AKAP7: variants seen among roughly 807,000 people sequenced by gnomAD.
The protein encoded by AKAP7 is A kinase (PRKA) anchor protein 7.
In AKAP7, 39 loss-of-function variants were observed where a neutral mutation model predicts 39.5. The observed-to-expected ratio is 0.99, with a 90% confidence interval of 0.76 to 1.29. The LOEUF is 1.29. Among genes scored for constraint, AKAP7 ranks in the 50% most tolerant of loss-of-function variants. The probability of loss-of-function intolerance (pLI) is 0.00; values close to 1 mark genes in which losing one functional copy is unlikely to be tolerated. For synonymous variants in AKAP7, 140 were observed against 139.1 expected, an observed-to-expected ratio of 1.01 and a Z score of -0.05; for missense variants, 414 against 407.7, an observed-to-expected ratio of 1.02 and a Z score of -0.13.
intron 6 of AKAP7, among the ~76,000 whole-genome samples, chr6:131,210,185 A>G (rs1808513501): frequency 2.0e-5 from 3 of 152,374 alleles, no homozygotes; most frequent in Middle Eastern, 6.8e-3. Context: ...CCATTTCTAC[A>G]TATGAGCTGG....
At chr6:131,163,857 G>T (rs936442465) in intron 3 of AKAP7, among the ~76,000 whole-genome samples, 2 of 152,032 alleles carry the variant, frequency 1.3e-5, no homozygotes, top group Non-Finnish European at 2.9e-5. Context: ...GACACCAAGG[G>T]TGGGGGATTT....
At position 131,148,713 on chromosome 6, in the gene AKAP7, G is replaced by T. The variant is rs527369033; in HGVS notation, c.151+3297G>T. On this transcript the variant is annotated intron_variant, in intron 2 of 7. Coordinates refer to ENST00000431975, the MANE Select transcript of AKAP7 (RefSeq NM_016377.4). Reference sequence around the variant, plus strand: ...CTACTAACTAGTTTTTCTGAAGTGAGATTTTTATAGGAATGTACAAAAACT... The same window carrying T: ...CTACTAACTAGTTTTTCTGAAGTGATATTTTTATAGGAATGTACAAAAACT... 6.6e-4 allele frequency among the ~76,000 whole-genome samples: 101 copies of T among 152,270 alleles called. 1 individual carries two copies. The highest frequency in any genetic ancestry group is 2.3e-3 in the African/African-American group (94 of 41,550).
intron 5 of AKAP7, among the ~76,000 whole-genome samples, chr6:131,180,499 C>T (rs1010367802): frequency 6.6e-6 from 1 of 152,180 alleles, no homozygotes; most frequent in African/African-American, 2.4e-5. Flanking sequence ...TGTACCTTTC[C>T]TACTCAGAAT....
At position 131,272,364 on chromosome 6, in the gene AKAP7, T is replaced by A. The variant is rs1302446984; in HGVS notation, c.851-9166T>A. On this transcript the variant is annotated intron_variant, in intron 7 of 7. Coordinates refer to ENST00000431975, the MANE Select transcript of AKAP7 (RefSeq NM_016377.4). ...TCTCTACTGTTTATCTGTTTTCTAT[T>A]TCATTCTCCTACTATTTTTATTGTT... Among the ~76,000 whole-genome samples, 3 of 152,158 alleles carry A rather than the reference T, an allele frequency of 2.0e-5. 1 individual carries two copies. The highest frequency in any genetic ancestry group is 2.0e-4 in the Admixed American group (3 of 15,278).
intron 2 of AKAP7, among the ~76,000 whole-genome samples, chr6:131,159,777 G>A (rs947068704): frequency 2.6e-5 from 4 of 152,134 alleles, no homozygotes; most frequent in Admixed American, 1.3e-4. Flanking sequence ...GCCAAATCTG[G>A]TTAACCACCC....
At chr6:131,132,395 C>T (rs968445792), upstream of AKAP7, among the ~76,000 whole-genome samples, 1 of 151,894 alleles carries the variant, frequency 6.6e-6, no homozygotes, top group African/African-American at 2.4e-5. Flanking sequence ...AATGCTTTAA[C>T]GAAGGTTCAC....
At chr6:131,155,999 CT>C (rs1253186322) in intron 2 of AKAP7, among the ~76,000 whole-genome samples, 1 of 152,206 alleles carries the variant, frequency 6.6e-6, no homozygotes, top group Non-Finnish European at 1.5e-5. Context: ...TATTAAGTTA[CT>C]TAATTAAAAG....
At chr6:131,182,832 A>G (rs541060263) in intron 5 of AKAP7, among the ~76,000 whole-genome samples, 8 of 152,178 alleles carry the variant, frequency 5.3e-5, no homozygotes, top group African/African-American at 1.9e-4. Flanking sequence ...TTTTAACCCA[A>G]ATTTTGTATT....
chr6:131,214,909 T>G (rs914666898), intron 6 of AKAP7, among the ~76,000 whole-genome samples: 2 of 152,212 alleles, frequency 1.3e-5, no homozygotes, highest in African/African-American at 4.8e-5. Flanking sequence ...CTACTTATTC[T>G]GAATCTGTAT....
chr6:131,184,068 C>A (rs1481425490), intron 5 of AKAP7, among the ~76,000 whole-genome samples: 2 of 152,160 alleles, frequency 1.3e-5, no homozygotes, highest in Non-Finnish European at 2.9e-5. Context: ...GAATGCATTT[C>A]ATGGAGAGCA....
intron 5 of AKAP7, among the ~76,000 whole-genome samples, chr6:131,178,387 T>C (rs927865794): frequency 5.3e-5 from 8 of 152,200 alleles, no homozygotes; most frequent in African/African-American, 1.9e-4. Context: ...ACGCAGACAA[T>C]GTTAAATAGA....
intron 7 of AKAP7, among the ~76,000 whole-genome samples, chr6:131,224,280 G>A (rs1809958841): frequency 6.6e-6 from 1 of 151,736 alleles, no homozygotes; most frequent in Non-Finnish European, 1.5e-5. Flanking sequence ...ATTAGATTTG[G>A]GATACTTTGT....
chr6:131,278,571 A>G (rs1389017503), intron 7 of AKAP7, among the ~76,000 whole-genome samples: 3 of 152,198 alleles, frequency 2.0e-5, no homozygotes, highest in Admixed American at 6.5e-5. Context: ...TACAGGAAGC[A>G]TGGCTGGGGA....
chr6:131,185,124 A>C, intron 5 of AKAP7: 1 of 626,252 alleles, frequency 1.6e-6, no homozygotes, highest in Non-Finnish European at 3.1e-6. Flanking sequence ...GTCAGTGTGC[A>C]ACAGAACCTC....
Position 131,282,381 on chromosome 6 carries a change from A to G in AKAP7, c.*655A>G. 6.9e-7 allele frequency: 1 copy of G among 1,446,644 alleles called. No individual in the cohort carries two copies. Among genetic ancestry groups the G allele is most frequent in the Non-Finnish European group, 9.1e-7 (1 of 1,101,610 alleles). The allele number at this position is 1,446,644 out of a possible 1,614,324, so 89.6% of individuals were successfully genotyped here. A position where few individuals can be genotyped will look rare whatever the true frequency, so the allele number is the denominator to read the frequency against. On this transcript the variant is annotated 3_prime_UTR_variant, in exon 8 of 8. Coordinates refer to ENST00000431975, the MANE Select transcript of AKAP7 (RefSeq NM_016377.4). ...GCCATATTTAATGAAATGTTATTAT[A>G]TAATTTTTTTTTCTTAGGCAAGAAA...
intron 7 of AKAP7, among the ~76,000 whole-genome samples, chr6:131,266,705 G>T (rs746908): frequency 0.36 from 45,147 of 125,864 alleles, 7,041 homozygotes; most frequent in Middle Eastern, 0.42. Context: ...TGTTGTTGTT[G>T]TTGTTTTTTA....
chr6:131,155,106 C>G (rs185085960), intron 2 of AKAP7, among the ~76,000 whole-genome samples: 40 of 152,150 alleles, frequency 2.6e-4, no homozygotes, highest in Non-Finnish European at 4.4e-5. Flanking sequence ...ACCGTAACCT[C>G]GAACTCCTGG....
At chr6:131,256,563 A>C (rs148545095) in intron 7 of AKAP7, among the ~76,000 whole-genome samples, 3 of 152,268 alleles carry the variant, frequency 2.0e-5, no homozygotes, top group Non-Finnish European at 4.4e-5. Context: ...AGCTGTATCC[A>C]AAAGCCCTGT....
At chr6:131,202,665 C>G (rs992459040) in intron 6 of AKAP7, among the ~76,000 whole-genome samples, 2 of 150,526 alleles carry the variant, frequency 1.3e-5, no homozygotes, top group Non-Finnish European at 3.0e-5. Flanking sequence ...CGCTAAATGA[C>G]GAGTTAATGG....
Sources: allele counts gnomAD v4.1 joint callset (sites outside exome capture counted in the v4.1 genomes callset), GRCh38; gene constraint gnomAD v4.1.1; transcripts MANE v1.5; gene names NCBI Gene and HGNC (gene_info 2026-07-23, HGNC 2026-07-21).